CTIF: variants seen among roughly 807,000 people sequenced by gnomAD.
The protein encoded by CTIF is cap binding complex dependent translation initiation factor.
CTIF carries 21 observed loss-of-function variants against 66.0 expected under a neutral mutation model. The ratio of observed to expected loss-of-function variants is 0.32; its 90% CI spans 0.23 to 0.46. The LOEUF is 0.46. Among genes scored for constraint, CTIF ranks in the 20% least tolerant of loss-of-function variants. The pLI is 1.00. For synonymous variants in CTIF, 345 were observed against 326.4 expected (o/e 1.06, Z -0.62); for missense variants, 739 against 812.7 (o/e 0.91, Z 1.10).
At chr18:48,635,659 G>A (rs539488617) in intron 2 of CTIF, among the ~76,000 whole-genome samples, 2 of 152,146 alleles carry the variant, frequency 1.3e-5, no homozygotes, top group African/African-American at 4.8e-5. Flanking sequence ...TGTAGGTTAA[G>A]GTCAATATTC....
intron 1 of CTIF, among the ~76,000 whole-genome samples, chr18:48,589,327 T>C (rs2089840379): frequency 1.3e-5 from 2 of 152,170 alleles, no homozygotes; most frequent in Admixed American, 6.5e-5. Context: ...GTCCTTGGCA[T>C]GTTAGGGCTG....
At chr18:48,784,413 C>T (rs1911528033) in intron 9 of CTIF, among the ~76,000 whole-genome samples, 1 of 152,190 alleles carries the variant, frequency 6.6e-6, no homozygotes, top group Non-Finnish European at 1.5e-5. Flanking sequence ...ATAGTGTGCA[C>T]TGGGGGCTGA....
chr18:48,677,760 C>T lies in CTIF; in HGVS notation c.507+7016C>T, dbSNP rs116134079. ...GTCTGTATTCTCCCAGTGGAGTGTA[C>T]GTTCCCCTGGGGCACATCTAGGGGC... On this transcript the variant is annotated intron_variant, in intron 6 of 11. Coordinates refer to ENST00000256413, the MANE Select transcript of CTIF (RefSeq NM_014772.3). Among the ~76,000 whole-genome samples the T allele has an allele frequency of 3.5e-3, 527 of 152,132 alleles. 3 individuals are homozygous for T. The highest frequency in any genetic ancestry group is 0.011 in the African/African-American group (461 of 41,480).
intron 1 of CTIF, among the ~76,000 whole-genome samples, chr18:48,558,373 G>A (rs1256014470): frequency 2.6e-5 from 4 of 152,164 alleles, no homozygotes; most frequent in South Asian, 2.1e-4. Context: ...GTTGGTACAC[G>A]GGTATGACAG....
At chr18:48,667,458 C>T (rs1003431672) in intron 5 of CTIF, among the ~76,000 whole-genome samples, 2 of 152,162 alleles carry the variant, frequency 1.3e-5, no homozygotes, top group Admixed American at 6.5e-5. Context: ...TAGCTGGTGA[C>T]GTCAGTGGGG....
chr18:48,737,950 G>T (rs1284489849), intron 7 of CTIF, among the ~76,000 whole-genome samples: 3 of 152,244 alleles, frequency 2.0e-5, no homozygotes, highest in Non-Finnish European at 4.4e-5. Context: ...CGGCTCCTTG[G>T]GTAGCAGAGG....
intron 9 of CTIF, among the ~76,000 whole-genome samples, chr18:48,790,885 C>T (rs767598906): frequency 2.6e-4 from 39 of 152,184 alleles, no homozygotes; most frequent in Non-Finnish European, 5.1e-4. Context: ...CTGGGGTTCC[C>T]GGATAGCCCT....
intron 9 of CTIF, among the ~76,000 whole-genome samples, chr18:48,790,491 T>C (rs1343391306): frequency 2.0e-5 from 3 of 152,230 alleles, no homozygotes; most frequent in Non-Finnish European, 4.4e-5. Context: ...GGACGCCCCA[T>C]GGAGCCCTTT....
chr18:48,729,988 A>T (rs577831587), intron 7 of CTIF, among the ~76,000 whole-genome samples: 78 of 152,286 alleles, frequency 5.1e-4, no homozygotes, highest in African/African-American at 1.8e-3. Flanking sequence ...AGGAGGCTTC[A>T]CCTCCAGGTG....
intron 1 of CTIF, among the ~76,000 whole-genome samples, chr18:48,551,518 C>G (rs950685066): frequency 1.3e-5 from 2 of 152,186 alleles, no homozygotes; most frequent in African/African-American, 4.8e-5. Flanking sequence ...GATACTAATA[C>G]ACATGCATTG....
chr18:48,776,394 A>G lies in CTIF; in HGVS notation c.1371+14705A>G, dbSNP rs1228573118. On this transcript the variant is annotated intron_variant, in intron 9 of 11. Coordinates refer to ENST00000256413, the MANE Select transcript of CTIF (RefSeq NM_014772.3). The stretch of plus-strand genomic sequence containing the variant: ...ATGATGCCACCCCCAGGAGCTCTGC[A>G]GGAGCCAGAGCAGGGTTGTGCAGGA... 3.9e-5 allele frequency among the ~76,000 whole-genome samples: 6 copies of G among 152,344 alleles called. No individual in the cohort carries two copies. In the East Asian group the frequency reaches 1.2e-3, roughly 29 times the overall value.
intron 1 of CTIF, among the ~76,000 whole-genome samples, chr18:48,541,259 C>G (rs527959693): frequency 9.2e-5 from 14 of 152,332 alleles, no homozygotes; most frequent in African/African-American, 3.1e-4. Flanking sequence ...GGCGCTGTGT[C>G]TCTGCGGCCC....
rs754211947 is a variant in CTIF, at chr18:48,761,397, T to C, written c.1079T>C (p.Val360Ala). Residue 360 changes from valine to alanine, a missense_variant, in exon 9 of 12, where the codon GTG (valine) becomes GCG (alanine). This residue lies in a region of CTIF where 529 missense variants were observed against 520.3 expected (regional missense o/e 1.02). Transcript: ENST00000256413. The surrounding 1 kb of genome is among the most constrained non-coding windows in gnomAD (Gnocchi z 4.2). ...LRRRLKEKDEVAVETTTPQQN... is the reference protein window; with the variant it reads ...LRRRLKEKDEAAVETTTPQQN... ...TGTCTCCGACACCCCCAGGATGAAG[T>C]GGCCGTGGAGACGACCACTCCCCAG... is the stretch of plus-strand genomic sequence containing the variant. The C allele has an allele frequency of 6.2e-7, 1 of 1,612,424 alleles. No individual in the cohort carries two copies. Among genetic ancestry groups the C allele is most frequent in the Non-Finnish European group, 8.5e-7 (1 of 1,178,948 alleles).
chr18:48,571,889 GCTGGCAAGTCTGAGAT>G (rs2089423682), intron 1 of CTIF, among the ~76,000 whole-genome samples: 1 of 152,218 alleles, frequency 6.6e-6, no homozygotes, highest in Non-Finnish European at 1.5e-5. Flanking sequence ...GATTGTGAGA[GCTGGCAAGTCTGAGAT>G]CTGTAGGGCA....
chr18:48,545,726 C>A (rs1158045015), intron 1 of CTIF, among the ~76,000 whole-genome samples: 1 of 152,176 alleles, frequency 6.6e-6, no homozygotes, highest in Non-Finnish European at 1.5e-5. Context: ...ACAGACAATG[C>A]ACTGTGCAAG....
chr18:48,730,552 C>A lies in CTIF; in HGVS notation c.584+18857C>A, dbSNP rs865889427. Among the ~76,000 whole-genome samples, 5 of 37,050 alleles carry A rather than the reference C, an allele frequency of 1.3e-4. 2 individuals are homozygous for A. The allele number at this position is 37,050 out of a possible 152,430, so 24.3% of individuals were successfully genotyped here. ...GCCCCTGTGGTGTGAGGGGCTTCTG[C>A]TGTGTGAGGGGCTTCTGCGGTGTGA... On this transcript the variant is annotated intron_variant, in intron 7 of 11. Transcript: ENST00000256413.
intron 6 of CTIF, among the ~76,000 whole-genome samples, chr18:48,707,354 C>G (rs1047681345): frequency 3.9e-5 from 6 of 152,226 alleles, no homozygotes; most frequent in Non-Finnish European, 8.8e-5. Flanking sequence ...ACAACTTATA[C>G]TTTTTCCAGA....
intron 9 of CTIF, among the ~76,000 whole-genome samples, chr18:48,805,908 TTGA>T (rs553112578): frequency 2.9e-3 from 446 of 152,348 alleles, no homozygotes; most frequent in Non-Finnish European, 4.7e-3. Flanking sequence ...CACACGTTCA[TTGA>T]ACACCTACAA....
intron 10 of CTIF, among the ~76,000 whole-genome samples, chr18:48,852,964 T>A (rs1332617078): frequency 1.3e-5 from 2 of 152,158 alleles, no homozygotes; most frequent in Non-Finnish European, 2.9e-5. Flanking sequence ...GACAGGGGTA[T>A]GGGGAGGGGT....
Sources: gnomAD v4.1 joint callset for allele counts (sites outside exome capture counted in the v4.1 genomes callset) on GRCh38, gnomAD v4.1.1 for gene constraint, gnomAD v4.1.1 regional missense constraint, Gnocchi (gnomAD v3.1) non-coding constraint, MANE v1.5 for transcripts, NCBI Gene and HGNC (gene_info 2026-07-23, HGNC 2026-07-21) for gene names.